The following CTNNA2 variants were observed in gnomAD, a reference collection of about 807,000 sequenced individuals.
CTNNA2 encodes catenin alpha 2.
CTNNA2 carries 42 observed loss-of-function variants against 101.0 expected under a neutral mutation model. That is an observed-to-expected ratio of 0.42 (90% confidence interval 0.32 to 0.54). The LOEUF is 0.54. Ranked by LOEUF, CTNNA2 falls within the 20% of genes least tolerant of loss-of-function variation. The pLI is 0.14. For missense variants in CTNNA2, 871 were observed against 1,223.1 expected, an observed-to-expected ratio of 0.71 and a Z score of 4.29; for synonymous variants, 450 against 456.4, an observed-to-expected ratio of 0.99 and a Z score of 0.18.
At chr2:80,194,992 C>A (rs1706744614) in intron 7 of CTNNA2, among the ~76,000 whole-genome samples, 2 of 152,186 alleles carry the variant, frequency 1.3e-5, no homozygotes, top group South Asian at 2.1e-4. Flanking sequence ...TGAAAAAAAT[C>A]TATAATTTAG....
At chr2:80,451,337 C>G (rs1215543234) in intron 9 of CTNNA2, among the ~76,000 whole-genome samples, 1 of 152,126 alleles carries the variant, frequency 6.6e-6, no homozygotes, top group African/African-American at 2.4e-5. Context: ...GCTTTTCCCC[C>G]TTTGCTTGGC....
chr2:79,447,893 C>A (rs2104524406), intron 4 of CTNNA2, among the ~76,000 whole-genome samples: 1 of 152,062 alleles, frequency 6.6e-6, no homozygotes, highest in South Asian at 2.1e-4. Context: ...GGAGGAGGGG[C>A]AAGAAGTTAA....
chr2:80,469,820 C>T (rs1685146623), intron 9 of CTNNA2, among the ~76,000 whole-genome samples: 1 of 152,108 alleles, frequency 6.6e-6, no homozygotes, highest in Non-Finnish European at 1.5e-5. Flanking sequence ...AACCTTTAAG[C>T]AAAAGGGAGG....
intron 1 of CTNNA2, among the ~76,000 whole-genome samples, chr2:79,527,808 C>T (rs1257510723): frequency 6.6e-6 from 1 of 152,124 alleles, no homozygotes; most frequent in Non-Finnish European, 1.5e-5. Flanking sequence ...CAATTCTATT[C>T]TTAGATGTGT....
intron 4 of CTNNA2, among the ~76,000 whole-genome samples, chr2:79,467,449 C>G (rs1035325395): frequency 1.3e-5 from 2 of 152,210 alleles, no homozygotes; most frequent in Non-Finnish European, 2.9e-5. Flanking sequence ...TTAGAAAACA[C>G]TCTGCAGGAT....
chr2:80,221,350 G>A lies in CTNNA2; in HGVS notation c.1057-171861G>A, dbSNP rs78583636. 8.0e-3 allele frequency among the ~76,000 whole-genome samples: 1,223 copies of A among 152,274 alleles called. 19 individuals carry two copies. Among genetic ancestry groups the A allele is most frequent in the African/African-American group, 0.028 (1,163 of 41,558 alleles). Reference sequence around the variant, plus strand: ...TCCCCAGATTGGATTTTCTTCTGCAGTAGAGGGGTGTATGGTAGAGAAGGA... The same window carrying A: ...TCCCCAGATTGGATTTTCTTCTGCAATAGAGGGGTGTATGGTAGAGAAGGA... On this transcript the variant is annotated intron_variant, in intron 7 of 18. Coordinates refer to ENST00000402739, the MANE Select transcript of CTNNA2 (RefSeq NM_001282597.3).
chr2:80,548,959 A>T (rs1302894019), intron 11 of CTNNA2, among the ~76,000 whole-genome samples: 1 of 152,162 alleles, frequency 6.6e-6, no homozygotes, highest in East Asian at 1.9e-4. Flanking sequence ...AACAATAAAA[A>T]CAGATCTTTG....
intron 1 of CTNNA2, among the ~76,000 whole-genome samples, chr2:79,525,374 A>G (rs1024345075): frequency 5.9e-5 from 9 of 151,988 alleles, no homozygotes; most frequent in Admixed American, 2.6e-4. Flanking sequence ...TGATTATACA[A>G]ATTGAGAAAA....
intron 7 of CTNNA2, among the ~76,000 whole-genome samples, chr2:80,336,424 A>T (rs56326934): frequency 3.9e-5 from 6 of 152,180 alleles, no homozygotes; most frequent in South Asian, 4.1e-4. Flanking sequence ...TTACAATTAC[A>T]ATTTTGCTAT....
At chr2:79,520,006 G>A (rs1672018879) in intron 1 of CTNNA2, among the ~76,000 whole-genome samples, 1 of 152,178 alleles carries the variant, frequency 6.6e-6, no homozygotes, top group African/African-American at 2.4e-5. Context: ...TTCTGCCTCA[G>A]GCATAGCAAA....
intron 2 of CTNNA2, among the ~76,000 whole-genome samples, chr2:79,306,752 C>A (rs983983811): frequency 6.6e-6 from 1 of 152,128 alleles, no homozygotes. Context: ...GTTTTCAAGT[C>A]CAGTGTTTTC....
At chr2:80,291,133 C>T (rs73938269) in intron 7 of CTNNA2, among the ~76,000 whole-genome samples, 1,565 of 152,338 alleles carry the variant, frequency 0.01, 26 homozygotes, top group African/African-American at 0.035. Flanking sequence ...AGAATGTTCC[C>T]TCTGACCAAA....
chr2:79,273,479 A>C (rs1675136069), intron 2 of CTNNA2, among the ~76,000 whole-genome samples: 1 of 152,088 alleles, frequency 6.6e-6, no homozygotes, highest in African/African-American at 2.4e-5. Flanking sequence ...TATTTATAGC[A>C]TTCTGTTTTA....
intron 9 of CTNNA2, among the ~76,000 whole-genome samples, chr2:80,511,372 G>A (rs571904869): frequency 6.6e-6 from 1 of 152,322 alleles, no homozygotes; most frequent in African/African-American, 2.4e-5. Context: ...TCTAGGTACT[G>A]TGAGCAAGAC....
intron 7 of CTNNA2, among the ~76,000 whole-genome samples, chr2:80,270,041 C>T (rs1024072695): frequency 6.6e-6 from 1 of 152,164 alleles, no homozygotes; most frequent in Non-Finnish European, 1.5e-5. Context: ...GTAAAACTGA[C>T]TGTAAGCAGG....
At chr2:80,073,730 T>TCACACACACACA (rs3067109) in intron 7 of CTNNA2, among the ~76,000 whole-genome samples, 12 of 130,428 alleles carry the variant, frequency 9.2e-5, no homozygotes, top group South Asian at 2.7e-4. Context: ...TCTCTCTCTG[T>TCACACACACACA]CACACACACA....
At chr2:79,755,412 C>T (rs913718696) in intron 3 of CTNNA2, among the ~76,000 whole-genome samples, 1 of 152,180 alleles carries the variant, frequency 6.6e-6, no homozygotes, top group Non-Finnish European at 1.5e-5. Context: ...GGATGTCGTT[C>T]TTGAGTCTAT....
chr2:80,348,766 C>T (rs1673019022), intron 7 of CTNNA2, among the ~76,000 whole-genome samples: 1 of 151,620 alleles, frequency 6.6e-6, no homozygotes, highest in Non-Finnish European at 1.5e-5. Flanking sequence ...TAAATAACAA[C>T]AAACAAGCAG....
intron 7 of CTNNA2, among the ~76,000 whole-genome samples, chr2:80,325,864 G>A (rs908086014): frequency 1.3e-5 from 2 of 152,178 alleles, no homozygotes; most frequent in African/African-American, 4.8e-5. Context: ...TCATTTTACA[G>A]CTTAAAATGC....
Sources: gnomAD v4.1 joint callset for allele counts (sites outside exome capture counted in the v4.1 genomes callset) on GRCh38, gnomAD v4.1.1 for gene constraint, MANE v1.5 for transcripts, NCBI Gene and HGNC (gene_info 2026-07-23, HGNC 2026-07-21) for gene names.